GABBR2: variants seen among roughly 807,000 people sequenced by gnomAD.
GABBR2 encodes G-protein coupled receptor 51.
Under a neutral mutation model 105.6 loss-of-function variants are expected in GABBR2, and 23 were observed. The ratio of observed to expected loss-of-function variants is 0.22; its 90% CI spans 0.16 to 0.31. GABBR2 has a LOEUF of 0.31. Among genes scored for constraint, GABBR2 ranks in the 10% least tolerant of loss-of-function variants. The pLI is 1.00. For missense variants in GABBR2, 734 were observed against 1,245.5 expected (o/e 0.59, Z 6.18); for synonymous variants, 478 against 499.7 (o/e 0.96, Z 0.58).
intron 7 of GABBR2, among the ~76,000 whole-genome samples, chr9:98,412,065 T>C (rs531347970): frequency 2.0e-5 from 3 of 152,202 alleles, no homozygotes; most frequent in Non-Finnish European, 4.4e-5. Flanking sequence ...AGTTTATGAG[T>C]CTTATAGGTT....
At chr9:98,390,939 G>A (rs2131500060) in intron 9 of GABBR2, among the ~76,000 whole-genome samples, 1 of 152,144 alleles carries the variant, frequency 6.6e-6, no homozygotes, top group African/African-American at 2.4e-5. Context: ...CTCCACAAGG[G>A]GTATTAAGAC....
intron 13 of GABBR2, among the ~76,000 whole-genome samples, chr9:98,335,810 G>A (rs1486299786): frequency 6.6e-6 from 1 of 150,670 alleles, no homozygotes; most frequent in Non-Finnish European, 1.5e-5. Context: ...TGTCAGTGCT[G>A]ACAAGAATCA....
At chr9:98,704,941 C>T (rs1830874941) in intron 1 of GABBR2, among the ~76,000 whole-genome samples, 1 of 116,010 alleles carries the variant, frequency 8.6e-6, no homozygotes, top group Non-Finnish European at 1.9e-5. Context: ...GAATGAGACC[C>T]CCAACTCTTT....
chr9:98,484,701 G>C (rs1248811514), intron 4 of GABBR2, among the ~76,000 whole-genome samples: 2 of 152,158 alleles, frequency 1.3e-5, no homozygotes, highest in African/African-American at 2.4e-5. Flanking sequence ...GATATACTGC[G>C]TTCTCCTTTC....
At chr9:98,681,908 G>A (rs1830552975) in intron 1 of GABBR2, among the ~76,000 whole-genome samples, 1 of 152,172 alleles carries the variant, frequency 6.6e-6, no homozygotes, top group African/African-American at 2.4e-5. Context: ...TATAAATCCA[G>A]CTATGTGAAG....
At chr9:98,566,798 C>CAAAAAA (rs55752458) in intron 2 of GABBR2, among the ~76,000 whole-genome samples, 11 of 88,194 alleles carry the variant, frequency 1.2e-4, no homozygotes, top group Admixed American at 4.0e-4. Context: ...AAGACACTGT[C>CAAAAAA]AAAAAAAAAA....
intron 6 of GABBR2, among the ~76,000 whole-genome samples, chr9:98,461,448 G>C (rs2131613366): frequency 6.6e-6 from 1 of 152,264 alleles, no homozygotes; most frequent in Non-Finnish European, 1.5e-5. Context: ...TTATGACAAA[G>C]GTGACACTGT....
At chr9:98,704,418 A>T in intron 1 of GABBR2, among the ~76,000 whole-genome samples, 1 of 152,184 alleles carries the variant, frequency 6.6e-6, no homozygotes, top group Non-Finnish European at 1.5e-5. Context: ...TAAGATAGTA[A>T]CACATGAGAA....
rs530316198 is a variant in GABBR2, at chr9:98,428,089, C to T, written c.1237-21948G>A. On this transcript the variant is annotated intron_variant, in intron 7 of 18. Transcript: ENST00000259455. ...CACTACACTTTGGGATCATTTGTTA[C>T]GACTTAACAGATAACTAATACAGGG... Among the ~76,000 whole-genome samples the T allele has an allele frequency of 1.1e-4, 16 of 152,236 alleles. No individual in the cohort carries two copies. The South Asian group carries it at 1.7e-3, about 16-fold the overall frequency.
chr9:98,589,577 G>C (rs1829119439), intron 1 of GABBR2, among the ~76,000 whole-genome samples: 1 of 152,146 alleles, frequency 6.6e-6, no homozygotes, highest in African/African-American at 2.4e-5. Context: ...GACAAGAAAA[G>C]ATTATGGGAA....
chr9:98,646,738 A>C (rs559213826), intron 1 of GABBR2, among the ~76,000 whole-genome samples: 161 of 152,254 alleles, frequency 1.1e-3, no homozygotes, highest in African/African-American at 3.8e-3. Flanking sequence ...GTATTGCAGG[A>C]TGGCTTACAA....
At chr9:98,552,500 G>A (rs1828507378) in intron 2 of GABBR2, among the ~76,000 whole-genome samples, 2 of 152,154 alleles carry the variant, frequency 1.3e-5, no homozygotes, top group South Asian at 2.1e-4. Flanking sequence ...TTGGGAACTC[G>A]GGTCCACTTC....
intron 1 of GABBR2, among the ~76,000 whole-genome samples, chr9:98,636,246 CA>C (rs992666268): frequency 4.6e-5 from 7 of 152,130 alleles, no homozygotes; most frequent in Admixed American, 3.9e-4. Context: ...CAAGAATTTT[CA>C]AAAAATTACC....
intron 13 of GABBR2, among the ~76,000 whole-genome samples, chr9:98,312,374 G>T (rs556504201): frequency 6.6e-6 from 1 of 152,282 alleles, no homozygotes; most frequent in East Asian, 1.9e-4. Flanking sequence ...ATTTGGATTA[G>T]CCTGAATGTT....
chr9:98,660,984 C>T (rs1486278233), intron 1 of GABBR2, among the ~76,000 whole-genome samples: 4 of 152,194 alleles, frequency 2.6e-5, no homozygotes, highest in Admixed American at 6.5e-5. Context: ...CAGCTCACTG[C>T]AACCTCCTCC....
intron 9 of GABBR2, among the ~76,000 whole-genome samples, chr9:98,392,799 C>T (rs1023872623): frequency 4.6e-5 from 7 of 152,154 alleles, no homozygotes; most frequent in Non-Finnish European, 7.4e-5. Context: ...TTTGTCCATC[C>T]GTCCATCCAC....
At chr9:98,521,814 C>T (rs796067117) in intron 3 of GABBR2, among the ~76,000 whole-genome samples, 3 of 151,948 alleles carry the variant, frequency 2.0e-5, no homozygotes, top group Admixed American at 6.6e-5. Flanking sequence ...ATGCTGTAAG[C>T]GAATACCAGG....
At chr9:98,385,484 C>G (rs977932320) in intron 11 of GABBR2, among the ~76,000 whole-genome samples, 156 bp downstream of exon 11, 1 of 150,946 alleles carries the variant, frequency 6.6e-6, no homozygotes, top group South Asian at 2.1e-4. Context: ...ACAGTAACAC[C>G]GTTCTTCCCT....
At chr9:98,540,362 G>A (rs537310522) in intron 3 of GABBR2, among the ~76,000 whole-genome samples, 2 of 152,318 alleles carry the variant, frequency 1.3e-5, no homozygotes, top group African/African-American at 4.8e-5. Context: ...CAGAAGCCCT[G>A]CAGGGAGGCA....
Sources: gnomAD v4.1 joint callset for allele counts (sites outside exome capture counted in the v4.1 genomes callset) on GRCh38, gnomAD v4.1.1 for gene constraint, MANE v1.5 for transcripts, NCBI Gene and HGNC (gene_info 2026-07-23, HGNC 2026-07-21) for gene names.